Variants in MACROD2 observed in about 807,000 individuals in gnomAD.
MACROD2 encodes mono-ADP ribosylhydrolase 2.
Under a neutral mutation model 70.4 loss-of-function variants are expected in MACROD2, and 36 were observed. The observed-to-expected ratio is 0.51, with a 90% CI of 0.39 to 0.68. MACROD2 has a LOEUF of 0.68. Ranked by LOEUF, MACROD2 falls within the 30% of genes least tolerant of loss-of-function variation. The pLI is 0.00. For missense variants in MACROD2, 496 were observed against 538.4 expected (o/e 0.92, Z 0.78); for synonymous variants, 172 against 178.8 (o/e 0.96, Z 0.30).
intron 5 of MACROD2, among the ~76,000 whole-genome samples, chr20:14,875,252 G>A (rs958428849): frequency 1.3e-5 from 2 of 151,784 alleles, no homozygotes; most frequent in South Asian, 2.1e-4. Context: ...GTGGTGGCAC[G>A]TGCCTGTAGT....
intron 7 of MACROD2, among the ~76,000 whole-genome samples, chr20:15,451,093 A>C (rs542983413): frequency 7.2e-4 from 109 of 152,234 alleles, no homozygotes; most frequent in African/African-American, 2.5e-3. Flanking sequence ...ATTTTGCAAT[A>C]GCTATCAATG....
chr20:15,001,923 A>G (rs552040142), intron 5 of MACROD2, among the ~76,000 whole-genome samples: 5 of 151,722 alleles, frequency 3.3e-5, no homozygotes, highest in African/African-American at 1.2e-4. Flanking sequence ...TTGCATCCTC[A>G]TAGCTTAGCG....
chr20:15,043,481 G>C (rs1018059276), intron 5 of MACROD2, among the ~76,000 whole-genome samples: 5 of 152,106 alleles, frequency 3.3e-5, no homozygotes, highest in Admixed American at 1.3e-4. Context: ...CCTCCACGCT[G>C]CACACCCACA....
chr20:15,116,202 C>T (rs1186679269), intron 5 of MACROD2, among the ~76,000 whole-genome samples: 2 of 152,156 alleles, frequency 1.3e-5, no homozygotes, highest in Non-Finnish European at 2.9e-5. Context: ...CCTGTTCACA[C>T]TGTGTGTGTC....
intron 10 of MACROD2, among the ~76,000 whole-genome samples, chr20:15,896,536 CTT>C (rs11438756): frequency 6.2e-5 from 9 of 144,824 alleles, no homozygotes; most frequent in African/African-American, 1.8e-4. Context: ...ATGTCACAAT[CTT>C]TTTTTTTTTT....
At chr20:16,007,911 T>C (rs1016598900) in intron 15 of MACROD2, among the ~76,000 whole-genome samples, 1 of 152,216 alleles carries the variant, frequency 6.6e-6, no homozygotes, top group African/African-American at 2.4e-5. Context: ...CCCAACTTTA[T>C]ATAAGTTTCA....
At chr20:14,966,796 C>T (rs2074641237) in intron 5 of MACROD2, among the ~76,000 whole-genome samples, 1 of 151,680 alleles carries the variant, frequency 6.6e-6, no homozygotes, top group Admixed American at 6.5e-5. Flanking sequence ...TTTACACTAC[C>T]ATGTAGTATG....
At chr20:15,349,751 G>T (rs2078206575) in intron 6 of MACROD2, among the ~76,000 whole-genome samples, 1 of 74,194 alleles carries the variant, frequency 1.3e-5, no homozygotes, top group Admixed American at 1.6e-4. Flanking sequence ...GAAAAACTCA[G>T]TCTCAAAAAA....
chr20:14,863,504 T>G (rs959660300), intron 5 of MACROD2, among the ~76,000 whole-genome samples: 2 of 152,128 alleles, frequency 1.3e-5, no homozygotes, highest in African/African-American at 2.4e-5. Context: ...AAATACAGTT[T>G]GACCAACTGT....
intron 3 of MACROD2, among the ~76,000 whole-genome samples, chr20:14,350,163 T>G (rs955803542): frequency 1.1e-4 from 17 of 152,186 alleles, no homozygotes; most frequent in African/African-American, 4.1e-4. Context: ...AAATCTTGGT[T>G]GTTGTGAGCA....
intron 5 of MACROD2, among the ~76,000 whole-genome samples, chr20:14,702,014 G>A (rs1410639064): frequency 6.6e-6 from 1 of 151,982 alleles, no homozygotes; most frequent in Admixed American, 6.6e-5. Flanking sequence ...CTATAGCTCT[G>A]CACTTATAAA....
intron 5 of MACROD2, among the ~76,000 whole-genome samples, chr20:14,875,955 A>C (rs2073545951): frequency 6.6e-6 from 1 of 152,084 alleles, no homozygotes. Context: ...TTTTTGGTAT[A>C]ACAATTATTG....
intron 5 of MACROD2, among the ~76,000 whole-genome samples, chr20:14,947,929 C>A (rs1280011340): frequency 6.6e-6 from 1 of 152,156 alleles, no homozygotes; most frequent in African/African-American, 2.4e-5. Flanking sequence ...ATAGGAAGTC[C>A]TGTATTTGCT....
At chr20:14,930,019 G>A (rs6135313) in intron 5 of MACROD2, among the ~76,000 whole-genome samples, 21,776 of 151,804 alleles carry the variant, frequency 0.14, 1,715 homozygotes, top group South Asian at 0.18. Context: ...AAAATTAGCC[G>A]GGCGTGGTGG....
chr20:15,174,342 T>A (rs1175829368), intron 5 of MACROD2, among the ~76,000 whole-genome samples: 1 of 152,252 alleles, frequency 6.6e-6, no homozygotes, highest in Admixed American at 6.5e-5. Flanking sequence ...ACATATTTTT[T>A]AAGTAAAATA....
At chr20:15,789,005 G>A (rs2051977024) in intron 8 of MACROD2, among the ~76,000 whole-genome samples, 1 of 152,112 alleles carries the variant, frequency 6.6e-6, no homozygotes. Context: ...TTGTCTAATA[G>A]CTATAAATAA....
chr20:15,505,053 C>G (rs575018913), intron 8 of MACROD2, among the ~76,000 whole-genome samples: 2 of 152,224 alleles, frequency 1.3e-5, no homozygotes, highest in South Asian at 2.1e-4. Context: ...TTGTTCTACC[C>G]CAGGGACTCA....
In MACROD2 at chr20:16,049,567, T is replaced by C. The variant is rs1052177721; in HGVS notation, c.1301-263T>C. 3.3e-5 allele frequency among the ~76,000 whole-genome samples: 5 copies of C among 152,186 alleles called. No homozygotes were observed. The South Asian group carries it at 1.0e-3, about 31-fold the overall frequency. ...AGTTTTCAACGAATACTTTGAAGAA[T>C]TGAGTTAATCGTCCCCATCAGCCAA... On this transcript the variant is annotated intron_variant, in intron 17 of 17. Transcript: ENST00000684519.
chr20:14,770,194 C>CT (rs1368133675), intron 5 of MACROD2, among the ~76,000 whole-genome samples: 8 of 150,626 alleles, frequency 5.3e-5, no homozygotes, highest in African/African-American at 7.3e-5. Context: ...GTAGTGTTTA[C>CT]TTTTTTTTTC....
Sources: allele counts gnomAD v4.1 joint callset (sites outside exome capture counted in the v4.1 genomes callset), GRCh38; gene constraint gnomAD v4.1.1; transcripts MANE v1.5; gene names NCBI Gene and HGNC (gene_info 2026-07-23, HGNC 2026-07-21).